Variants in NRXN3 observed in about 807,000 individuals in gnomAD.
NRXN3 encodes the protein neurexin 3.
A neutral mutation model predicts 137.6 loss-of-function variants in NRXN3; 32 were observed. That is an observed-to-expected ratio of 0.23 (90% confidence interval 0.18 to 0.31). The LOEUF (loss-of-function observed/expected upper bound fraction) is 0.31, where lower values mean the gene tolerates loss of function less well. Among genes scored for constraint, NRXN3 ranks in the 10% least tolerant of loss-of-function variants. The pLI, the probability that NRXN3 is intolerant of heterozygous loss-of-function variation, is 1.00. For missense variants in NRXN3, 1,574 were observed against 2,062.5 expected (o/e 0.76, Z 4.59); for synonymous variants, 798 against 784.5 (o/e 1.02, Z -0.29).
chr14:78,780,096 A>G (rs1272462957), intron 8 of NRXN3, among the ~76,000 whole-genome samples: 1 of 152,200 alleles, frequency 6.6e-6, no homozygotes, highest in Non-Finnish European at 1.5e-5. Context: ...ACAGTGGGAC[A>G]TCGACACAAA....
intron 15 of NRXN3, among the ~76,000 whole-genome samples, chr14:79,235,656 C>T (rs996796249): frequency 1.8e-4 from 28 of 152,072 alleles, no homozygotes; most frequent in African/African-American, 6.5e-4. Flanking sequence ...AAAGTTCACT[C>T]AGAGAAAAAT....
At chr14:79,195,850 G>A (rs922092174) in intron 15 of NRXN3, among the ~76,000 whole-genome samples, 1 of 152,182 alleles carries the variant, frequency 6.6e-6, no homozygotes, top group Non-Finnish European at 1.5e-5. Context: ...TAAGGAATTG[G>A]GAAATAAAAT....
intron 16 of NRXN3, among the ~76,000 whole-genome samples, chr14:79,570,893 T>G (rs1286884512): frequency 6.6e-6 from 1 of 152,162 alleles, no homozygotes; most frequent in African/African-American, 2.4e-5. Context: ...AGAGGGCAAG[T>G]GAGCTGAGCA....
chr14:79,558,700 G>A (rs2097456854), intron 16 of NRXN3, among the ~76,000 whole-genome samples: 1 of 151,952 alleles, frequency 6.6e-6, no homozygotes, highest in Non-Finnish European at 1.5e-5. Context: ...TCTTAAGGGA[G>A]CCCTAGGATT....
At chr14:79,818,384 T>C (rs1406021704) in intron 20 of NRXN3, among the ~76,000 whole-genome samples, 1 of 152,166 alleles carries the variant, frequency 6.6e-6, no homozygotes, top group Non-Finnish European at 1.5e-5. Flanking sequence ...TTATTCATGA[T>C]CAATTCTGTT....
At chr14:79,020,845 T>G (rs1374449440) in intron 15 of NRXN3, among the ~76,000 whole-genome samples, 4 of 140,204 alleles carry the variant, frequency 2.9e-5, no homozygotes, top group Admixed American at 2.3e-4. Context: ...AAATGCGCTC[T>G]GCCTGTGCTT....
chr14:79,094,977 A>AGT (rs1409965478), intron 15 of NRXN3, among the ~76,000 whole-genome samples: 2,360 of 99,426 alleles, frequency 0.024, 27 homozygotes, highest in Non-Finnish European at 0.035. Context: ...AGAGAGAGAG[A>AGT]GAGTGTGTGT....
rs2060636389 is a variant in NRXN3 at position 78,190,652 on chromosome 14, T to TTACTTAC, written c.-704+19979_-704+19980insACTTACT. Among the ~76,000 whole-genome samples, 5 of 67,468 alleles carry TTACTTAC rather than the reference T, an allele frequency of 7.4e-5. No individual in the cohort carries two copies. The East Asian group carries it at 1.2e-3, about 16-fold the overall frequency. The allele number at this position is 67,468 out of a possible 152,430, so 44.3% of individuals were successfully genotyped here. On this transcript the variant is annotated intron_variant, in intron 1 of 20. Transcript: ENST00000335750. ...ATTTATTTATTTATTTATTTATTTA[T>TTACTTAC]TTACTTACTTACTTACTTAATTACT...
At chr14:79,561,408 G>A (rs534541523) in intron 16 of NRXN3, among the ~76,000 whole-genome samples, 35 of 152,192 alleles carry the variant, frequency 2.3e-4, no homozygotes, top group Admixed American at 2.0e-4. Flanking sequence ...AAAAGACAGA[G>A]CTATTTAAAT....
At chr14:79,830,430 T>TC (rs1450384792) in intron 20 of NRXN3, among the ~76,000 whole-genome samples, 1 of 152,158 alleles carries the variant, frequency 6.6e-6, no homozygotes, top group African/African-American at 2.4e-5. Context: ...AGTCAGTAAC[T>TC]CCCCAAATGT....
chr14:79,184,919 T>C (rs1596996770), intron 15 of NRXN3, among the ~76,000 whole-genome samples: 1 of 152,314 alleles, frequency 6.6e-6, no homozygotes, highest in African/African-American at 2.4e-5. Flanking sequence ...TGCTTGGTCC[T>C]ATAGGCTCTC....
Position 79,431,791 on chromosome 14 carries a change from G to A in NRXN3, c.3263-35430G>A, listed in dbSNP as rs1012326054. ...AAAAATTAAGAAAAAAAAACTCTACGCAGTATTAAGTTCTATTAATAGACT... is the reference window on the plus strand; with the variant it reads ...AAAAATTAAGAAAAAAAAACTCTACACAGTATTAAGTTCTATTAATAGACT... On this transcript the variant is annotated intron_variant, in intron 15 of 20. Transcript: ENST00000335750. Among the ~76,000 whole-genome samples the A allele has an allele frequency of 5.3e-5, 8 of 151,932 alleles. 1 individual carries two copies. In the South Asian group the frequency reaches 6.3e-4, roughly 12 times the overall value.
At chr14:79,461,382 T>A (rs2096338110) in intron 15 of NRXN3, among the ~76,000 whole-genome samples, 1 of 152,226 alleles carries the variant, frequency 6.6e-6, no homozygotes, top group Non-Finnish European at 1.5e-5. Flanking sequence ...AGGCATCAGA[T>A]GAGACACTCC....
At chr14:79,074,429 A>G (rs1048268364) in intron 15 of NRXN3, 10 of 152,228 alleles carry the variant, frequency 6.6e-5, no homozygotes, top group Admixed American at 1.3e-4. Context: ...CTTGACAGAT[A>G]TAACTGGTCC....
At chr14:79,514,551 C>G (rs893000194) in intron 16 of NRXN3, among the ~76,000 whole-genome samples, 2 of 152,122 alleles carry the variant, frequency 1.3e-5, no homozygotes, top group African/African-American at 4.8e-5. Context: ...AACCCTTAAC[C>G]CTAAACTTTT....
intron 15 of NRXN3, among the ~76,000 whole-genome samples, chr14:79,137,540 TAA>T (rs2058370585): frequency 6.6e-6 from 1 of 152,162 alleles, no homozygotes; most frequent in African/African-American, 2.4e-5. Context: ...GAGTGAGTAA[TAA>T]AATAAGTTTA....
In NRXN3 at chr14:78,553,629, C is replaced by T. The variant is rs530137984; in HGVS notation, c.758-91491C>T. On this transcript the variant is annotated intron_variant, in intron 4 of 20. Coordinates refer to ENST00000335750, the MANE Select transcript of NRXN3 (RefSeq NM_001330195.2). ...TCTTATTCTTTGAGGAGGAGGAATA[C>T]TTCTGATTTAATGGTAACGAAGTTC... Among the ~76,000 whole-genome samples, 3 of 152,340 alleles carry T rather than the reference C, an allele frequency of 2.0e-5. No homozygotes were observed. In the South Asian group the frequency reaches 6.2e-4, roughly 32 times the overall value.
At chr14:79,019,374 A>G (rs2099584934) in intron 15 of NRXN3, among the ~76,000 whole-genome samples, 1 of 152,220 alleles carries the variant, frequency 6.6e-6, no homozygotes. Context: ...ATCTTTCCAA[A>G]TAACAGCATC....
intron 3 of NRXN3, among the ~76,000 whole-genome samples, chr14:78,282,911 C>A (rs752932463): frequency 1.3e-5 from 2 of 152,206 alleles, no homozygotes; most frequent in African/African-American, 2.4e-5. Context: ...GCAGAACCGA[C>A]CAGCAGATTC....
Sources: gnomAD v4.1 joint callset for allele counts (sites outside exome capture counted in the v4.1 genomes callset) on GRCh38, gnomAD v4.1.1 for gene constraint, MANE v1.5 for transcripts, NCBI Gene and HGNC (gene_info 2026-07-23, HGNC 2026-07-21) for gene names.